Variants in CTNNA3 observed in about 807,000 individuals in gnomAD.
CTNNA3 encodes the protein catenin alpha-3.
A neutral mutation model predicts 95.7 loss-of-function variants in CTNNA3; 76 were observed. The ratio of observed to expected loss-of-function variants is 0.79; its 90% CI spans 0.66 to 0.96. The LOEUF is 0.96. CTNNA3 is among the 40% of genes least tolerant of loss of function. The pLI is 0.00. For missense variants in CTNNA3, 1,191 were observed against 1,089.8 expected, an observed-to-expected ratio of 1.09 and a Z score of -1.31; for synonymous variants, 431 against 374.4, an observed-to-expected ratio of 1.15 and a Z score of -1.74.
intron 10 of CTNNA3, among the ~76,000 whole-genome samples, chr10:66,537,544 A>G (rs539563913): frequency 5.6e-4 from 84 of 150,620 alleles, no homozygotes; most frequent in Non-Finnish European, 1.1e-3. Flanking sequence ...GGAATTATTT[A>G]TTTATTAAAT....
intron 5 of CTNNA3, among the ~76,000 whole-genome samples, chr10:67,444,919 A>C (rs569031314): frequency 3.0e-4 from 45 of 152,290 alleles, no homozygotes; most frequent in South Asian, 8.3e-4. Flanking sequence ...TCATCCAGCA[A>C]ACAAAGGCTC....
intron 9 of CTNNA3, among the ~76,000 whole-genome samples, chr10:66,746,319 A>G (rs1188532304): frequency 6.6e-6 from 1 of 152,190 alleles, no homozygotes; most frequent in South Asian, 2.1e-4. Flanking sequence ...CTTTGAATCC[A>G]TTTAGACCTA....
At chr10:66,340,789 T>C (rs1203892499) in intron 12 of CTNNA3, among the ~76,000 whole-genome samples, 1 of 151,760 alleles carries the variant, frequency 6.6e-6, no homozygotes, top group Non-Finnish European at 1.5e-5. Flanking sequence ...CCCTGTTTAA[T>C]AGATAAATAA....
At chr10:67,535,816 C>CAAA (rs34181728) in intron 4 of CTNNA3, among the ~76,000 whole-genome samples, 60,290 of 151,576 alleles carry the variant, frequency 0.4, 15,237 homozygotes, top group African/African-American at 0.69. Context: ...CTGAAGGAAA[C>CAAA]GAAGGTTTGA....
At chr10:67,552,314 G>T (rs188589409) in intron 3 of CTNNA3, among the ~76,000 whole-genome samples, 22 of 152,054 alleles carry the variant, frequency 1.4e-4, no homozygotes, top group African/African-American at 3.9e-4. Context: ...CCAAATCCTT[G>T]AGCCAACTTG....
chr10:66,125,063 A>G (rs535936679), intron 13 of CTNNA3, among the ~76,000 whole-genome samples: 79 of 152,302 alleles, frequency 5.2e-4, no homozygotes, highest in African/African-American at 1.8e-3. Flanking sequence ...CAGACAAACA[A>G]ATCTTGGAAA....
At chr10:67,441,375 G>C (rs950325323) in intron 5 of CTNNA3, among the ~76,000 whole-genome samples, 1 of 151,798 alleles carries the variant, frequency 6.6e-6, no homozygotes, top group African/African-American at 2.4e-5. Flanking sequence ...TAGAAAAAGA[G>C]ATAGTGATAG....
At chr10:66,461,116 T>C (rs1485469611) in intron 11 of CTNNA3, among the ~76,000 whole-genome samples, 2 of 152,092 alleles carry the variant, frequency 1.3e-5, no homozygotes, top group Non-Finnish European at 2.9e-5. Flanking sequence ...TAGAGGAGCC[T>C]GGAGTTGAGG....
At chr10:66,403,900 T>C (rs1337014392) in intron 11 of CTNNA3, among the ~76,000 whole-genome samples, 1 of 152,150 alleles carries the variant, frequency 6.6e-6, no homozygotes, top group Non-Finnish European at 1.5e-5. Context: ...ATAATATTCC[T>C]TCCCTAAAAC....
chr10:67,082,372 G>A (rs1349736848), intron 7 of CTNNA3, among the ~76,000 whole-genome samples: 2 of 152,028 alleles, frequency 1.3e-5, no homozygotes, highest in Non-Finnish European at 2.9e-5. Flanking sequence ...TTGCGATTTC[G>A]CTAGCACTGA....
intron 10 of CTNNA3, among the ~76,000 whole-genome samples, chr10:66,567,359 G>A (rs965192501): frequency 6.6e-6 from 1 of 152,058 alleles, no homozygotes; most frequent in Non-Finnish European, 1.5e-5. Flanking sequence ...GTGGATCACA[G>A]ATGTAATTCC....
intron 5 of CTNNA3, among the ~76,000 whole-genome samples, chr10:67,387,727 T>G (rs1844251972): frequency 6.6e-6 from 1 of 152,220 alleles, no homozygotes; most frequent in South Asian, 2.1e-4. Context: ...ACCAGCAGAC[T>G]GCCTCCTCAA....
chr10:67,483,454 C>G (rs1848318767), intron 5 of CTNNA3, among the ~76,000 whole-genome samples: 1 of 150,124 alleles, frequency 6.7e-6, no homozygotes, highest in Non-Finnish European at 1.5e-5. Flanking sequence ...ATGATGAGTT[C>G]ATGTCCTTTG....
At chr10:67,561,922 TCC>T (rs1841525827) in intron 3 of CTNNA3, among the ~76,000 whole-genome samples, 1 of 152,066 alleles carries the variant, frequency 6.6e-6, no homozygotes, top group African/African-American at 2.4e-5. Context: ...ACATACACCC[TCC>T]CAAGACTAAA....
At chr10:66,086,202 C>T (rs3911782) in intron 14 of CTNNA3, among the ~76,000 whole-genome samples, 43,813 of 152,030 alleles carry the variant, frequency 0.29, 6,968 homozygotes, top group South Asian at 0.43. Context: ...AGCTGACACA[C>T]GAGCCTATCT....
chr10:66,625,295 T>C (rs6480186), intron 9 of CTNNA3, among the ~76,000 whole-genome samples: 29,445 of 152,078 alleles, frequency 0.19, 3,146 homozygotes, highest in Non-Finnish European at 0.24. Flanking sequence ...CTAAAAAACA[T>C]TGTAGATGAG....
At chr10:67,295,046 C>T (rs1871615) in intron 5 of CTNNA3, among the ~76,000 whole-genome samples, 24,320 of 152,048 alleles carry the variant, frequency 0.16, 2,590 homozygotes, top group East Asian at 0.33. Context: ...CCCAAAGATG[C>T]TAATACTAAA....
At chr10:66,218,405 C>T (rs1216385222) in intron 13 of CTNNA3, among the ~76,000 whole-genome samples, 1 of 152,100 alleles carries the variant, frequency 6.6e-6, no homozygotes. Context: ...CTCTCTCTCT[C>T]TTTCTCTCTG....
In CTNNA3 at chr10:66,893,063, A is replaced by G. The variant is rs116962216; in HGVS notation, c.1048-117539T>C. On this transcript the variant is annotated intron_variant, in intron 7 of 17. Transcript: ENST00000433211. The stretch of plus-strand genomic sequence containing the variant: ...GAGATGTTACTATACATGGTAACAG[A>G]TGAATCTGCTCTTCTGTGAGTTTTA... 7.0e-3 allele frequency among the ~76,000 whole-genome samples: 1,066 copies of G among 152,206 alleles called. 6 individuals are homozygous for G. Among genetic ancestry groups the G allele is most frequent in the Non-Finnish European group, 9.9e-3 (671 of 67,972 alleles).
Sources: allele counts gnomAD v4.1 joint callset (sites outside exome capture counted in the v4.1 genomes callset), GRCh38; gene constraint gnomAD v4.1.1; transcripts MANE v1.5; gene names NCBI Gene and HGNC (gene_info 2026-07-23, HGNC 2026-07-21).